The following SPTBN5 variants were observed in gnomAD, a reference collection of about 807,000 sequenced individuals.
SPTBN5 encodes spectrin beta chain, non-erythrocytic 5.
A neutral mutation model predicts 477.6 loss-of-function variants in SPTBN5; 513 were observed. The observed-to-expected ratio is 1.07, with a 90% CI of 1.00 to 1.16. The LOEUF (loss-of-function observed/expected upper bound fraction) is 1.16. SPTBN5 is among the 50% of genes most tolerant of loss of function. The pLI, the probability that SPTBN5 is intolerant of heterozygous loss-of-function variation, is 0.00. For missense variants in SPTBN5, 5,062 were observed against 4,731.8 expected, an observed-to-expected ratio of 1.07 and a Z score of -2.05; for synonymous variants, 2,169 against 2,011.7, an observed-to-expected ratio of 1.08 and a Z score of -2.09.
rs2065944430 is a variant in SPTBN5 at position 41,856,978 on chromosome 15, G to A, written c.8683C>T (p.Leu2895Phe). The A allele has an allele frequency of 6.2e-7, 1 of 1,601,976 alleles. No individual in the cohort carries two copies. Among genetic ancestry groups the A allele is most frequent in the African/African-American group, 1.3e-5 (1 of 74,838 alleles). ...RRTALEARSL[L>F]LKFFRDADEE... ...TCGGCGTCCCTGAAGAACTTCAAGAGGAGGCTCCGGGCCTCCAGGGCCGTC... is the reference window on the plus strand; with the variant it reads ...TCGGCGTCCCTGAAGAACTTCAAGAAGAGGCTCCGGGCCTCCAGGGCCGTC... Residue 2895 changes from leucine (L) to phenylalanine (F), a missense_variant, in exon 52 of 68, where the codon CTC (leucine) becomes TTC (phenylalanine). Physicochemically the swap from Leu to Phe is conservative, Grantham distance 22. Coordinates refer to ENST00000320955, the MANE Select transcript of SPTBN5 (RefSeq NM_016642.4).
intron 2 of SPTBN5, 38 bp from the exon 3 acceptor site, chr15:41,893,099 G>T (rs2271285): frequency 1.3e-6 from 2 of 1,599,354 alleles, no homozygotes; most frequent in Non-Finnish European, 8.5e-7. Context: ...GGTCAGCCCA[G>T]CCTCACCTGT....
At chr15:41,881,913 C>T (rs776917705) in intron 12 of SPTBN5, 23 bp downstream of exon 12, 1 of 1,517,300 alleles carries the variant, frequency 6.6e-7, no homozygotes, top group East Asian at 2.6e-5. Flanking sequence ...AGACCAGGCG[C>T]CCTTCCCTGT....
At position 41,883,429 on chromosome 15, in the gene SPTBN5, C is replaced by T. The variant is rs374945802; in HGVS notation, c.1578G>A (p.Arg526=). Residue 526 remains arginine, a synonymous_variant, in exon 8 of 68, where the codon AGG becomes AGA. Coordinates refer to ENST00000320955, the MANE Select transcript of SPTBN5 (RefSeq NM_016642.4). ...QRLLQHLQGQ[R]KQVADMQAVL... is the part of the protein sequence containing the mutation. ...CAGCCTGCATGTCTGCCACCTGCTT[C>T]CTCTGTCCCTGTAGATGCTGAAGGA... 708 of 1,613,854 alleles carry T rather than the reference C, an allele frequency of 4.4e-4. 2 individuals carry two copies. Among genetic ancestry groups the T allele is most frequent in the Non-Finnish European group, 5.8e-4 (680 of 1,179,906 alleles).
At chr15:41,871,643 C>A in intron 28 of SPTBN5, 123 bp from the exon 29 acceptor site, 3 of 1,410,754 alleles carry the variant, frequency 2.1e-6, no homozygotes, top group Non-Finnish European at 2.8e-6. Context: ...GGCGTCTGCC[C>A]GCTCCACTGA....
At position 41,849,966 on chromosome 15, in the gene SPTBN5, A is replaced by C; in HGVS notation, c.10922-7T>G. 1 of 1,581,716 alleles carries C rather than the reference A, an allele frequency of 6.3e-7. No individual in the cohort carries two copies. The highest frequency in any genetic ancestry group is 8.6e-7 in the Non-Finnish European group (1 of 1,163,298). Reference sequence around the variant, plus strand: ...TTTGGGCTCAGACTCTGGGCTGCAGAGCAAGGGAATAACCACTGTTAGCCC... The same window carrying C: ...TTTGGGCTCAGACTCTGGGCTGCAGCGCAAGGGAATAACCACTGTTAGCCC... On this transcript the variant is annotated splice_region_variant and splice_polypyrimidine_tract_variant and intron_variant, in intron 66 of 67. Coordinates refer to ENST00000320955, the MANE Select transcript of SPTBN5 (RefSeq NM_016642.4).
At chr15:41,890,047 G>T in intron 4 of SPTBN5, 42 bp downstream of exon 4, 1 of 1,371,540 alleles carries the variant, frequency 7.3e-7, no homozygotes, top group Non-Finnish European at 1.0e-6. Context: ...GCCAGGGCTG[G>T]GCTGGGTCAC....
intron 39 of SPTBN5, among the ~76,000 whole-genome samples, chr15:41,864,602 C>T (rs2066234935): frequency 6.6e-6 from 1 of 152,256 alleles, no homozygotes; most frequent in Non-Finnish European, 1.5e-5. Flanking sequence ...GCGTGAGCCA[C>T]TGTGCCCAGC....
intron 39 of SPTBN5, among the ~76,000 whole-genome samples, chr15:41,865,172 AT>A (rs1364974035): frequency 6.6e-6 from 1 of 152,140 alleles, no homozygotes; most frequent in Non-Finnish European, 1.5e-5. Flanking sequence ...TACATTTGCC[AT>A]TTTTTTCCCC....
In SPTBN5 at chr15:41,886,339, G is replaced by A; in HGVS notation, c.916C>T (p.Leu306=). ...KILLQLQETE[L]LQTQYEQLVA... ...AGCTGCTCGTACTGGGTCTGCAGCA[G>A]CTCTGTCTCCTGGAGCTGAAGCAGG... The change falls in exon 7 of 68, where the codon CTG becomes TTG. Residue 306 remains leucine (L), a synonymous_variant. Coordinates refer to ENST00000320955, the MANE Select transcript of SPTBN5 (RefSeq NM_016642.4). 6.2e-7 allele frequency: 1 copy of A among 1,608,388 alleles called. No individual in the cohort carries two copies. The highest frequency in any genetic ancestry group is 8.5e-7 in the Non-Finnish European group (1 of 1,176,936).
At position 41,889,900 on chromosome 15, in the gene SPTBN5, A is replaced by G. The variant is rs141609088; in HGVS notation, c.501+189T>C. ...CTGGCCCTCACTTTAGCATATTACA[A>G]TGTTACAATATCTCTGGTATCCTGG... On this transcript the variant is annotated intron_variant, in intron 4 of 67. Transcript: ENST00000320955. 3.1e-3 allele frequency among the ~76,000 whole-genome samples: 473 copies of G among 152,288 alleles called. 5 individuals carry two copies. Among genetic ancestry groups the G allele is most frequent in the African/African-American group, 0.011 (442 of 41,554 alleles).
intron 36 of SPTBN5, 148 bp from the exon 37 acceptor site, chr15:41,866,641 G>A (rs1004964377): frequency 1.2e-4 from 122 of 1,015,480 alleles, no homozygotes; most frequent in Admixed American, 1.4e-4. Context: ...TTCCAGCTCC[G>A]GAAGGTTGCT....
At chr15:41,868,313 A>G in intron 33 of SPTBN5, 85 bp downstream of exon 33, 13 of 1,564,228 alleles carry the variant, frequency 8.3e-6, no homozygotes, top group Non-Finnish European at 1.1e-5. Flanking sequence ...AGAGGCCAGC[A>G]TGGCACAGTA....
At chr15:41,850,808 C>T (rs758498972) in intron 66 of SPTBN5, 46 bp downstream of exon 66, 5 of 1,510,892 alleles carry the variant, frequency 3.3e-6, no homozygotes, top group Non-Finnish European at 4.5e-6. Context: ...GAGCTTGGGG[C>T]CCAGGGAGTC....
chr15:41,867,438 G>T, intron 35 of SPTBN5, 100 bp downstream of exon 35: 1 of 1,154,762 alleles, frequency 8.7e-7, no homozygotes, highest in Non-Finnish European at 1.3e-6. Context: ...AGGCTCATCA[G>T]CACTGCCTCC....
chr15:41,889,425 CT>C (rs367916513), intron 4 of SPTBN5, among the ~76,000 whole-genome samples: 10 of 149,330 alleles, frequency 6.7e-5, no homozygotes, highest in Non-Finnish European at 9.0e-5. Context: ...AGGACTCTTT[CT>C]TTTTTTTTTG....
chr15:41,870,437 G>A lies in SPTBN5; in HGVS notation c.5562+9C>T, dbSNP rs181451734. The stretch of plus-strand genomic sequence containing the variant: ...TGTATCCACTTCTAGCCACCCCTCC[G>A]GCTCACACCTGGACCTGGGTGAGGA... On this transcript the variant is annotated intron_variant, in intron 30 of 67. Transcript: ENST00000320955. 4.3e-6 allele frequency: 7 copies of A among 1,613,276 alleles called. No individual in the cohort carries two copies. The highest frequency in any genetic ancestry group is 2.2e-5 in the East Asian group (1 of 44,866).
intron 39 of SPTBN5, 129 bp downstream of exon 39, chr15:41,865,679 G>T (rs2066275128): frequency 1.2e-6 from 1 of 819,784 alleles, no homozygotes; most frequent in Non-Finnish European, 1.9e-6. Flanking sequence ...GAGGGAGCCT[G>T]CCCGAGGGCA....
At chr15:41,850,077 T>TA in intron 66 of SPTBN5, 118 bp from the exon 67 acceptor site, 3 of 853,572 alleles carry the variant, frequency 3.5e-6, no homozygotes, top group South Asian at 1.5e-5. Context: ...AGCCTGGCTA[T>TA]GCCAGGCCCT....
chr15:41,863,671 C>G, intron 41 of SPTBN5, 33 bp downstream of exon 41: 1 of 1,570,558 alleles, frequency 6.4e-7, no homozygotes, highest in Non-Finnish European at 8.8e-7. Flanking sequence ...CATTTGCTCA[C>G]AGCCCCCACC....
Sources: allele counts gnomAD v4.1 joint callset (sites outside exome capture counted in the v4.1 genomes callset), GRCh38; gene constraint gnomAD v4.1.1; transcripts MANE v1.5; gene names NCBI Gene and HGNC (gene_info 2026-07-23, HGNC 2026-07-21).